MBD5: variants seen among roughly 807,000 people sequenced by gnomAD.
MBD5 encodes methyl-CpG binding domain protein 5.
In MBD5, 13 loss-of-function variants were observed where a neutral mutation model predicts 117.3. The ratio of observed to expected loss-of-function variants is 0.11; its 90% CI spans 0.07 to 0.18. MBD5 has a LOEUF of 0.18. Among genes scored for constraint, MBD5 ranks in the 10% least tolerant of loss-of-function variants. The pLI is 1.00. For synonymous variants in MBD5, 727 were observed against 766.4 expected, an observed-to-expected ratio of 0.95 and a Z score of 0.85; for missense variants, 1,879 against 2,093.8, an observed-to-expected ratio of 0.90 and a Z score of 2.00.
chr2:148,204,259 G>C (rs1699219458), intron 2 of MBD5, among the ~76,000 whole-genome samples: 4 of 151,768 alleles, frequency 2.6e-5, no homozygotes. Context: ...AGAAAGGCTA[G>C]ACATCATGGA....
rs545002321 is a variant in MBD5, at chr2:148,126,254, A to G, written c.-924-52446A>G. Among the ~76,000 whole-genome samples, 3 of 141,108 alleles carry G rather than the reference A, an allele frequency of 2.1e-5. No homozygotes were observed. In the South Asian group the frequency reaches 6.8e-4, roughly 32 times the overall value. 92.6% of individuals were successfully genotyped at this position (141,108 alleles called of 152,430 possible). A position where few individuals can be genotyped will look rare whatever the true frequency, so the allele number is the denominator to read the frequency against. On this transcript the variant is annotated intron_variant, in intron 1 of 13. Transcript: ENST00000642680. ...CTACTAAAAATAAAAAAAAAAAAAAATTTAGCTGGGCGTGGTGGTGTGTGC... is the reference window on the plus strand; with the variant it reads ...CTACTAAAAATAAAAAAAAAAAAAAGTTTAGCTGGGCGTGGTGGTGTGTGC...
chr2:148,504,870 G>C (rs772581589), intron 12 of MBD5, among the ~76,000 whole-genome samples: 16 of 152,284 alleles, frequency 1.1e-4, no homozygotes, highest in Admixed American at 3.3e-4. Flanking sequence ...ACCAGATCAT[G>C]AAGGGCCTAG....
intron 4 of MBD5, among the ~76,000 whole-genome samples, chr2:148,435,637 T>C (rs540528920): frequency 1.3e-5 from 2 of 152,304 alleles, no homozygotes; most frequent in South Asian, 4.1e-4. Context: ...ATTTCCCTTG[T>C]AGGTGACCTG....
chr2:148,044,815 C>T (rs569997750), intron 1 of MBD5: 1 of 152,172 alleles, frequency 6.6e-6, no homozygotes, highest in South Asian at 2.1e-4. Flanking sequence ...TTTTTCATGT[C>T]TCCTATGGTC....
intron 3 of MBD5, among the ~76,000 whole-genome samples, chr2:148,311,271 G>A (rs1702023596): frequency 6.6e-6 from 1 of 152,146 alleles, no homozygotes; most frequent in South Asian, 2.1e-4. Context: ...CTATTATTGT[G>A]TGGGAGTCTA....
chr2:148,300,052 A>C (rs1051461453), intron 3 of MBD5, among the ~76,000 whole-genome samples: 2 of 151,822 alleles, frequency 1.3e-5, no homozygotes, highest in Non-Finnish European at 2.9e-5. Context: ...AAGTGACTAC[A>C]TTTGGGGATT....
chr2:148,239,686 T>TACACAC (rs34980624), intron 3 of MBD5, among the ~76,000 whole-genome samples: 12,370 of 141,510 alleles, frequency 0.087, 643 homozygotes, highest in Admixed American at 0.12. Flanking sequence ...TTTATTTACT[T>TACACAC]ACACACACAC....
intron 3 of MBD5, among the ~76,000 whole-genome samples, chr2:148,294,363 TA>T (rs1701583609): frequency 1.3e-5 from 2 of 151,360 alleles, no homozygotes; most frequent in Non-Finnish European, 2.9e-5. Context: ...TAGCTGGGAC[TA>T]CAGGTGCCCG....
chr2:148,142,155 C>A (rs1296017325), intron 1 of MBD5, among the ~76,000 whole-genome samples: 1 of 151,940 alleles, frequency 6.6e-6, no homozygotes, highest in Non-Finnish European at 1.5e-5. Flanking sequence ...AAAAGAAGAA[C>A]CAAAACAATA....
Position 148,021,490 on chromosome 2 carries a change from C to G in MBD5, c.-1119C>G. 1.7e-6 allele frequency: 1 copy of G among 577,076 alleles called. No individual in the cohort carries two copies. 35.7% of individuals were successfully genotyped at this position (577,076 alleles called of 1,614,324 possible). ...GCTGCTGCTGCTGCTGTTGCTGCTG[C>G]TGCTGCTACTGCTGCTGCTGCTACT... is the stretch of plus-strand genomic sequence containing the variant. On this transcript the variant is annotated 5_prime_UTR_variant, in exon 1 of 14. Coordinates refer to ENST00000642680, the MANE Select transcript of MBD5 (RefSeq NM_001378120.1).
At chr2:148,473,112 T>C (rs1359288183) in intron 8 of MBD5, among the ~76,000 whole-genome samples, 1 of 152,162 alleles carries the variant, frequency 6.6e-6, no homozygotes, top group Non-Finnish European at 1.5e-5. Flanking sequence ...TAAATCACAT[T>C]AATGCATGTT....
At position 148,422,537 on chromosome 2, in the gene MBD5, A is replaced by T. The variant is rs193240663; in HGVS notation, c.-556-35666A>T. On this transcript the variant is annotated intron_variant, in intron 4 of 13. Transcript: ENST00000642680. Reference sequence around the variant, plus strand: ...CAGAATGCCTCTTCTCCTCCAAAGGATCACAACTCCTCACCAGCAAGGGAA... The same window carrying T: ...CAGAATGCCTCTTCTCCTCCAAAGGTTCACAACTCCTCACCAGCAAGGGAA... Among the ~76,000 whole-genome samples the T allele has an allele frequency of 2.0e-5, 3 of 152,300 alleles. No individual in the cohort carries two copies. In the East Asian group the frequency reaches 5.8e-4, roughly 29 times the overall value.
At chr2:148,033,839 TAAG>T (rs1440458230) in intron 1 of MBD5, among the ~76,000 whole-genome samples, 8 of 152,212 alleles carry the variant, frequency 5.3e-5, no homozygotes, top group African/African-American at 1.2e-4. Flanking sequence ...CATCTAAAAA[TAAG>T]AACTATAGAA....
chr2:148,037,852 G>C (rs1694237536), intron 1 of MBD5, among the ~76,000 whole-genome samples: 1 of 151,896 alleles, frequency 6.6e-6, no homozygotes, highest in South Asian at 2.1e-4. Context: ...GGACTATGGA[G>C]CTTATAGTCT....
chr2:148,138,419 G>C (rs886252110), intron 1 of MBD5, among the ~76,000 whole-genome samples: 1 of 152,128 alleles, frequency 6.6e-6, no homozygotes, highest in South Asian at 2.1e-4. Flanking sequence ...ATTTATCAAG[G>C]AATTTTGCCG....
chr2:148,309,649 T>G (rs985653232), intron 3 of MBD5, among the ~76,000 whole-genome samples: 23 of 152,200 alleles, frequency 1.5e-4, no homozygotes, highest in African/African-American at 5.1e-4. Flanking sequence ...TTCTCTTGCC[T>G]GATTGCCCCA....
At chr2:148,250,959 A>G (rs1281141845) in intron 3 of MBD5, among the ~76,000 whole-genome samples, 1 of 152,156 alleles carries the variant, frequency 6.6e-6, no homozygotes, top group African/African-American at 2.4e-5. Context: ...AGCTTTTGCT[A>G]TCTGGAAAAT....
Position 148,470,262 on chromosome 2 carries a change from T to C in MBD5, c.2319T>C (p.Ser773=). Residue 773 remains serine (S), a synonymous_variant, in exon 8 of 14, where the codon AGT becomes AGC. Transcript: ENST00000642680. ...NANTNFVHSN[S]PVPNHHLAGL... ...ACACTAACTTTGTTCACAGTAACAG[T>C]CCAGTCCCCAACCACCATCTTGCAG... The C allele has an allele frequency of 6.2e-7, 1 of 1,613,984 alleles. No individual in the cohort carries two copies. Among genetic ancestry groups the C allele is most frequent in the South Asian group, 1.1e-5 (1 of 91,084 alleles).
chr2:148,351,083 T>C (rs1703237218), intron 4 of MBD5, among the ~76,000 whole-genome samples: 1 of 152,080 alleles, frequency 6.6e-6, no homozygotes, highest in Non-Finnish European at 1.5e-5. Context: ...ACTAATCAGA[T>C]ATTCATCACA....
Sources: gnomAD v4.1 joint callset for allele counts (sites outside exome capture counted in the v4.1 genomes callset) on GRCh38, gnomAD v4.1.1 for gene constraint, MANE v1.5 for transcripts, NCBI Gene and HGNC (gene_info 2026-07-23, HGNC 2026-07-21) for gene names.